The following FAM13B variants were observed in gnomAD, a reference collection of about 807,000 sequenced individuals.
FAM13B encodes the protein protein FAM13B.
In FAM13B, 60 loss-of-function variants were observed where a neutral mutation model predicts 117.3. The ratio of observed to expected loss-of-function variants is 0.51; its 90% CI spans 0.42 to 0.63. FAM13B has a LOEUF of 0.63. Among genes scored for constraint, FAM13B ranks in the 30% least tolerant of loss-of-function variants. The pLI, the probability that FAM13B is intolerant of heterozygous loss-of-function variation, is 0.00. For missense variants in FAM13B, 972 were observed against 1,091.9 expected, an observed-to-expected ratio of 0.89 and a Z score of 1.55; for synonymous variants, 332 against 356.1, an observed-to-expected ratio of 0.93 and a Z score of 0.76.
chr5:137,968,356 A>T (rs1003733288), intron 10 of FAM13B, among the ~76,000 whole-genome samples: 5 of 151,170 alleles, frequency 3.3e-5, no homozygotes, highest in Admixed American at 1.3e-4. Flanking sequence ...CATGAGACTC[A>T]CTTGAATCTG....
At chr5:138,013,262 G>A (rs1008327577) in intron 4 of FAM13B, among the ~76,000 whole-genome samples, 4 of 151,988 alleles carry the variant, frequency 2.6e-5, no homozygotes, top group Admixed American at 2.0e-4. Context: ...AGCACTTTGG[G>A]AGGCCGAGAC....
At chr5:137,966,648 C>T (rs1770059090) in intron 10 of FAM13B, among the ~76,000 whole-genome samples, 1 of 151,714 alleles carries the variant, frequency 6.6e-6, no homozygotes, top group African/African-American at 2.4e-5. Context: ...AAAAACTTAT[C>T]ATCGTATGTC....
At chr5:137,998,645 C>T (rs141184301) in intron 7 of FAM13B, among the ~76,000 whole-genome samples, 1 of 152,250 alleles carries the variant, frequency 6.6e-6, no homozygotes, top group African/African-American at 2.4e-5. Flanking sequence ...TTCTGGAAAA[C>T]CTGTATCCTC....
intron 1 of FAM13B, among the ~76,000 whole-genome samples, chr5:138,040,262 C>CAAAA (rs3032825): frequency 4.0e-5 from 1 of 25,226 alleles, no homozygotes; most frequent in South Asian, 4.2e-3. Flanking sequence ...GACTCTGTCT[C>CAAAA]AAAAAAAAAA....
At chr5:138,004,700 C>T (rs188394051) in intron 7 of FAM13B, among the ~76,000 whole-genome samples, 2 of 152,046 alleles carry the variant, frequency 1.3e-5, no homozygotes, top group African/African-American at 4.8e-5. Context: ...GGTGACATGC[C>T]GAAACCCCAT....
In FAM13B at chr5:137,962,455, CAAT is replaced by C; in HGVS notation, c.1191_1193del (p.Ile397_Leu398delinsMet). 1 of 1,613,632 alleles carries C rather than the reference CAAT, an allele frequency of 6.2e-7. No individual in the cohort carries two copies. Among genetic ancestry groups the C allele is most frequent in the Non-Finnish European group, 8.5e-7 (1 of 1,179,742 alleles). On this transcript the variant is annotated inframe_deletion, in exon 11 of 24. Coordinates refer to ENST00000689681, the MANE Select transcript of FAM13B (RefSeq NM_001385994.1). ...CACCACGGTCACTGCATGGCTCTAA[CAAT>C]ATACCTACAGACTGACAAAAAGAAC... is the stretch of plus-strand genomic sequence containing the variant.
chr5:137,969,662 A>G (rs6882879), intron 10 of FAM13B, among the ~76,000 whole-genome samples: 149,283 of 152,252 alleles, frequency 0.98, 73,257 homozygotes, highest in Middle Eastern at 1. Context: ...AAACTACTCC[A>G]AGCTACGGGA....
At chr5:137,972,860 T>G (rs1265532581) in intron 10 of FAM13B, among the ~76,000 whole-genome samples, 8 of 151,992 alleles carry the variant, frequency 5.3e-5, no homozygotes, top group Non-Finnish European at 8.8e-5. Context: ...CATTCACAAT[T>G]GCTTCAAAGA....
Position 138,011,236 on chromosome 5 carries a change from C to A in FAM13B, c.549-87G>T. 9 of 1,235,814 alleles carry A rather than the reference C, an allele frequency of 7.3e-6. No homozygotes were observed. In the South Asian group the frequency reaches 1.1e-4, roughly 15 times the overall value. The allele number at this position is 1,235,814 out of a possible 1,614,324, so 76.6% of individuals were successfully genotyped here. ...GACAACCAATGAGATACTTTATGAA[C>A]ATGGGCAATTTATGTTACCATTCTG... On this transcript the variant is annotated intron_variant, in intron 5 of 23. Coordinates refer to ENST00000689681, the MANE Select transcript of FAM13B (RefSeq NM_001385994.1).
At chr5:137,956,856 T>C (rs1766724363) in intron 13 of FAM13B, among the ~76,000 whole-genome samples, 1 of 152,206 alleles carries the variant, frequency 6.6e-6, no homozygotes, top group Non-Finnish European at 1.5e-5. Flanking sequence ...AGCTTTTCAG[T>C]GTAAATGATT....
At chr5:137,971,195 G>A (rs1307195941) in intron 10 of FAM13B, among the ~76,000 whole-genome samples, 3 of 150,880 alleles carry the variant, frequency 2.0e-5, no homozygotes, top group African/African-American at 7.3e-5. Context: ...TTCCAAAATT[G>A]ACCACATAGT....
At chr5:137,994,450 T>C (rs1235884140) in intron 7 of FAM13B, among the ~76,000 whole-genome samples, 1 of 152,218 alleles carries the variant, frequency 6.6e-6, no homozygotes, top group Non-Finnish European at 1.5e-5. Context: ...AGCCCTGATA[T>C]ATCAGCCAGG....
At chr5:138,043,141 A>G (rs1791545598) in intron 1 of FAM13B, among the ~76,000 whole-genome samples, 1 of 152,172 alleles carries the variant, frequency 6.6e-6, no homozygotes. Context: ...GCCAGCAAGA[A>G]TCACTTGAGG....
At chr5:138,020,938 C>T (rs1298851129) in intron 2 of FAM13B, 93 bp downstream of exon 2, 6 of 822,802 alleles carry the variant, frequency 7.3e-6, no homozygotes, top group Non-Finnish European at 4.9e-6. Flanking sequence ...AACTATAAAA[C>T]CTCAAGTTAA....
chr5:138,034,905 G>A (rs916401836), upstream of FAM13B, among the ~76,000 whole-genome samples: 4 of 149,854 alleles, frequency 2.7e-5, no homozygotes, highest in African/African-American at 9.8e-5. Flanking sequence ...ATGCAACACA[G>A]GCTCTTGTTG....
intron 14 of FAM13B, among the ~76,000 whole-genome samples, chr5:137,956,013 G>A (rs140389997): frequency 1.9e-3 from 287 of 152,272 alleles, no homozygotes; most frequent in African/African-American, 6.6e-3. Flanking sequence ...AAGAGGGCTT[G>A]ACAGTGTCAA....
At chr5:138,034,155 T>C (rs1163512727), upstream of FAM13B, 1 of 152,106 alleles carries the variant, frequency 6.6e-6, no homozygotes, top group Non-Finnish European at 1.5e-5. Context: ...ACCAGAAGAA[T>C]CTGAATAAGA....
In FAM13B at chr5:137,954,239, A is replaced by T. The variant is rs776330818; in HGVS notation, c.1645T>A (p.Phe549Ile). 6.2e-7 allele frequency: 1 copy of T among 1,613,970 alleles called. No homozygotes were observed. The highest frequency in any genetic ancestry group is 8.5e-7 in the Non-Finnish European group (1 of 1,179,984). The change falls in exon 15 of 24, where the codon TTT (phenylalanine) becomes ATT (isoleucine). Residue 549 changes from phenylalanine (F) to isoleucine (I), a missense_variant. Transcript: ENST00000689681. ...PPVLSHRSLD[F>I]GQSQRFLHDP... ...TGTAGGAAACGCTGGCTTTGACCAAAATCTAAACTGCGGTGTGATAATACT... is the reference window on the plus strand; with the variant it reads ...TGTAGGAAACGCTGGCTTTGACCAATATCTAAACTGCGGTGTGATAATACT...
At chr5:138,012,635 C>T (rs1216386338) in intron 4 of FAM13B, among the ~76,000 whole-genome samples, 2 of 152,230 alleles carry the variant, frequency 1.3e-5, no homozygotes, top group East Asian at 3.9e-4. Flanking sequence ...TTAACAGAAA[C>T]TAGACCCGTA....
Sources: gnomAD v4.1 joint callset for allele counts (sites outside exome capture counted in the v4.1 genomes callset) on GRCh38, gnomAD v4.1.1 for gene constraint, MANE v1.5 for transcripts, NCBI Gene and HGNC (gene_info 2026-07-23, HGNC 2026-07-21) for gene names.